Variants in RIMBP2 observed in about 807,000 individuals in gnomAD.
RIMBP2 encodes the protein RIMS binding protein 2.
A neutral mutation model predicts 118.6 loss-of-function variants in RIMBP2; 48 were observed. The observed-to-expected ratio is 0.40, with a 90% CI of 0.32 to 0.51. The LOEUF (loss-of-function observed/expected upper bound fraction) is 0.51. Among genes scored for constraint, RIMBP2 ranks in the 20% least tolerant of loss-of-function variants. The pLI, the probability that RIMBP2 is intolerant of heterozygous loss-of-function variation, is 0.41. For missense variants in RIMBP2, 1,551 were observed against 1,768.3 expected, an observed-to-expected ratio of 0.88 and a Z score of 2.20; for synonymous variants, 762 against 742.9, an observed-to-expected ratio of 1.03 and a Z score of -0.42.
rs542170192 is a variant in RIMBP2, at chr12:130,666,304, G to A, written c.-351-37848C>T. Among the ~76,000 whole-genome samples, 21 of 152,190 alleles carry A rather than the reference G, an allele frequency of 1.4e-4. 1 individual carries two copies. The South Asian group carries it at 2.5e-3, about 18-fold the overall frequency. ...GAGTCTAAAACATGGCACACCCCTC[G>A]CTTCTAAGGGGCTTGGCACAGGTCA... On this transcript the variant is annotated intron_variant, in intron 1 of 22. Coordinates refer to ENST00000690449, the MANE Select transcript of RIMBP2 (RefSeq NM_001393629.1).
intron 1 of RIMBP2, among the ~76,000 whole-genome samples, chr12:130,685,617 C>T (rs1380120893): frequency 1.3e-5 from 2 of 152,132 alleles, no homozygotes; most frequent in Non-Finnish European, 2.9e-5. Context: ...GTGTGGCCGC[C>T]GTGGCTCATG....
At chr12:130,438,000 G>A (rs942189119) in intron 12 of RIMBP2, among the ~76,000 whole-genome samples, 6 of 152,186 alleles carry the variant, frequency 3.9e-5, no homozygotes, top group African/African-American at 1.4e-4. Flanking sequence ...AGACCCAGCA[G>A]TATCTTAAGG....
At chr12:130,589,108 C>T (rs2059101714) in intron 2 of RIMBP2, among the ~76,000 whole-genome samples, 1 of 152,180 alleles carries the variant, frequency 6.6e-6, no homozygotes. Context: ...ATTCAGATCT[C>T]CAGTGACTCT....
chr12:130,570,962 A>T lies in RIMBP2; in HGVS notation c.-216-53045T>A, dbSNP rs111506119. On this transcript the variant is annotated intron_variant, in intron 2 of 22. Coordinates refer to ENST00000690449, the MANE Select transcript of RIMBP2 (RefSeq NM_001393629.1). ...TTGGGGGATGTCGCTGGTGCCAGGA[A>T]CACAAAGATGGGGAAGAAACAGGCA... Among the ~76,000 whole-genome samples the T allele has an allele frequency of 2.3e-3, 351 of 152,294 alleles. 2 individuals are homozygous for T. The highest frequency in any genetic ancestry group is 7.9e-3 in the African/African-American group (327 of 41,556).
chr12:130,499,794 A>C (rs1013888269), intron 4 of RIMBP2, among the ~76,000 whole-genome samples: 1 of 152,134 alleles, frequency 6.6e-6, no homozygotes, highest in Non-Finnish European at 1.5e-5. Flanking sequence ...TCCCCACCTG[A>C]CCTGCACATT....
intron 1 of RIMBP2, chr12:130,651,473 T>C (rs1392210242): frequency 1.3e-5 from 2 of 152,196 alleles, no homozygotes; most frequent in East Asian, 1.9e-4. Context: ...ACTCCCCTAT[T>C]GAGCAGGTGA....
chr12:130,483,885 C>T (rs535536181), intron 4 of RIMBP2, among the ~76,000 whole-genome samples: 3 of 151,752 alleles, frequency 2.0e-5, no homozygotes, highest in South Asian at 2.1e-4. Context: ...ACACAGTGCC[C>T]GGAGCCCCCG....
chr12:130,428,275 G>A lies in RIMBP2; in HGVS notation c.2316C>T (p.Asp772=). The part of the protein sequence containing the change: ...TESSRGSDLS[D]IMEEDEEELY... ...GCTCCTCCTCGTCCTCCTCCATGATGTCTGAGAGGTCAGACCCCCGGCTGC... is the reference window on the plus strand; with the variant it reads ...GCTCCTCCTCGTCCTCCTCCATGATATCTGAGAGGTCAGACCCCCGGCTGC... Residue 772 remains aspartate, a synonymous_variant, in exon 15 of 23, where the codon GAC becomes GAT. Coordinates refer to ENST00000690449, the MANE Select transcript of RIMBP2 (RefSeq NM_001393629.1). 6.2e-7 allele frequency: 1 copy of A among 1,613,390 alleles called. No homozygotes were observed. Among genetic ancestry groups the A allele is most frequent in the Non-Finnish European group, 8.5e-7 (1 of 1,179,676 alleles).
intron 1 of RIMBP2, chr12:130,658,690 T>G (rs1313933930): frequency 1.3e-5 from 2 of 152,196 alleles, no homozygotes; most frequent in Admixed American, 1.3e-4. Flanking sequence ...TGGGGCCATT[T>G]TATGAGAAAA....
At position 130,475,896 on chromosome 12, in the gene RIMBP2, C is replaced by T. The variant is rs1337215999; in HGVS notation, c.102+3016G>A. The stretch of plus-strand genomic sequence containing the variant: ...CTGTGTGGGACGTGGCGTCCGAGGC[C>T]CCCCAAGCAGTGGTGTCAAGCAGAG... On this transcript the variant is annotated intron_variant, in intron 5 of 22. Transcript: ENST00000690449. The surrounding 1 kb of genome is among the most constrained non-coding windows in gnomAD (Gnocchi z 4.1). Among the ~76,000 whole-genome samples, 1 of 151,808 alleles carries T rather than the reference C, an allele frequency of 6.6e-6. No homozygotes were observed. Among genetic ancestry groups the T allele is most frequent in the Non-Finnish European group, 1.5e-5 (1 of 67,984 alleles).
intron 1 of RIMBP2, among the ~76,000 whole-genome samples, chr12:130,662,179 C>T (rs2063692711): frequency 6.6e-6 from 1 of 152,174 alleles, no homozygotes; most frequent in East Asian, 1.9e-4. Flanking sequence ...TAAATTTCAC[C>T]CTCAATCCAG....
chr12:130,523,955 C>T lies in RIMBP2; in HGVS notation c.-216-6038G>A, dbSNP rs376109627. The stretch of plus-strand genomic sequence containing the variant: ...TGTAAGGGCACAGCAAGGTCTCTGG[C>T]TCTCAGGATCTGGTATCCACGCTAC... On this transcript the variant is annotated intron_variant, in intron 2 of 22. Transcript: ENST00000690449. The surrounding 1 kb of genome is among the most constrained non-coding windows in gnomAD (Gnocchi z 4.4). Among the ~76,000 whole-genome samples, 20 of 152,310 alleles carry T rather than the reference C, an allele frequency of 1.3e-4. No individual in the cohort carries two copies. In the East Asian group the frequency reaches 1.9e-3, roughly 15 times the overall value.
intron 4 of RIMBP2, among the ~76,000 whole-genome samples, chr12:130,496,015 G>C (rs917132872): frequency 6.6e-6 from 1 of 152,202 alleles, no homozygotes; most frequent in Non-Finnish European, 1.5e-5. Context: ...TGATTCTGCC[G>C]CTGACTCATT....
chr12:130,655,219 G>A (rs148123283), intron 1 of RIMBP2, among the ~76,000 whole-genome samples: 51 of 152,304 alleles, frequency 3.3e-4, no homozygotes, highest in Admixed American at 1.8e-3. Context: ...CCTCTCCAGC[G>A]TGTAACATCG....
Position 130,617,012 on chromosome 12 carries a change from CT to C in RIMBP2, c.-217+11309del, listed in dbSNP as rs1425395370. On this transcript the variant is annotated intron_variant, in intron 2 of 22. Transcript: ENST00000690449. This position sits in a 1 kb window ranked among gnomAD's most constrained non-coding sequence, Gnocchi z 4.6. ...GGGGTGCAGGGGCCCCCCTCCTCCTCTGCAGAGGCCCCCATGTCCCACTGAT... is the reference window on the plus strand; with the variant it reads ...GGGGTGCAGGGGCCCCCCTCCTCCTCGCAGAGGCCCCCATGTCCCACTGAT... Among the ~76,000 whole-genome samples the C allele has an allele frequency of 1.3e-5, 2 of 152,188 alleles. No individual in the cohort carries two copies. The highest frequency in any genetic ancestry group is 2.9e-5 in the Non-Finnish European group (2 of 68,028).
intron 3 of RIMBP2, among the ~76,000 whole-genome samples, chr12:130,512,886 A>G (rs1392269188): frequency 1.3e-5 from 2 of 152,196 alleles, no homozygotes; most frequent in Non-Finnish European, 2.9e-5. Flanking sequence ...ATTCAGCTGC[A>G]ACCCTGGGCT....
chr12:130,422,544 G>A lies in RIMBP2; in HGVS notation c.3147C>T (p.Ala1049=). The change falls in exon 17 of 23, where the codon GCC becomes GCT. Residue 1049 remains alanine, a synonymous_variant. Coordinates refer to ENST00000690449, the MANE Select transcript of RIMBP2 (RefSeq NM_001393629.1). The surrounding 1 kb of genome is among the most constrained non-coding windows in gnomAD (Gnocchi z 5.2). ...CCATGTGATCCACCCGTCCTGCAGA[G>A]GCTGGGTTCCCTAAAATCTAAAGAC... ...AQGPLILGNP[A]SAGRVDHMGR... The A allele has an allele frequency of 6.2e-7, 1 of 1,609,044 alleles. No homozygotes were observed. The highest frequency in any genetic ancestry group is 8.5e-7 in the Non-Finnish European group (1 of 1,177,626).
At chr12:130,452,383 G>A (rs1366671836) in intron 7 of RIMBP2, among the ~76,000 whole-genome samples, 5 of 152,226 alleles carry the variant, frequency 3.3e-5, no homozygotes, top group Admixed American at 6.5e-5. Flanking sequence ...ACCATGGCAG[G>A]GAATTGGAGC....
At chr12:130,488,782 G>A (rs2082688076) in intron 4 of RIMBP2, among the ~76,000 whole-genome samples, 1 of 152,170 alleles carries the variant, frequency 6.6e-6, no homozygotes, top group Non-Finnish European at 1.5e-5. Flanking sequence ...CAGAAACTGG[G>A]GACTCCCCTG....
Sources: allele counts gnomAD v4.1 joint callset (sites outside exome capture counted in the v4.1 genomes callset), GRCh38; gene constraint gnomAD v4.1.1; non-coding constraint Gnocchi (gnomAD v3.1); transcripts MANE v1.5; gene names NCBI Gene and HGNC (gene_info 2026-07-23, HGNC 2026-07-21).